Variants in MORC1 observed in about 807,000 individuals in gnomAD.
MORC1 encodes the protein MORC family CW-type zinc finger protein 1.
MORC1 carries 59 observed loss-of-function variants against 134.9 expected under a neutral mutation model. The ratio of observed to expected loss-of-function variants is 0.44; its 90% CI spans 0.35 to 0.54. The LOEUF is 0.54. Ranked by LOEUF, MORC1 falls within the 20% of genes least tolerant of loss-of-function variation. MORC1 has a pLI of 0.00. For synonymous variants in MORC1, 395 were observed against 391.7 expected, an observed-to-expected ratio of 1.01 and a Z score of -0.10; for missense variants, 947 against 1,134.5, an observed-to-expected ratio of 0.83 and a Z score of 2.37.
rs754631887 is a variant in MORC1, at chr3:109,094,970, G to A, written c.522C>T (p.Tyr174=). ...FAMELSIIYK[Y]SPFKTEAELM... ...ATTCTGCTTCAGTTTTAAATGGGGA[G>A]TATTTATAAATTATAGATAATTCCA... The change falls in exon 7 of 28, where the codon TAC becomes TAT. Residue 174 remains tyrosine (Y), a synonymous_variant. Transcript: ENST00000232603. 7.5e-6 allele frequency: 12 copies of A among 1,594,326 alleles called. No homozygotes were observed. The highest frequency in any genetic ancestry group is 9.4e-6 in the Non-Finnish European group (11 of 1,174,732).
chr3:109,000,419 T>C, intron 21 of MORC1, 138 bp downstream of exon 21: 2 of 624,872 alleles, frequency 3.2e-6, no homozygotes, highest in Admixed American at 3.5e-5. Context: ...AACTTAAACT[T>C]TTCTGAGTCT....
At chr3:109,073,496 C>G (rs2107716349) in intron 8 of MORC1, among the ~76,000 whole-genome samples, 1 of 152,262 alleles carries the variant, frequency 6.6e-6, no homozygotes, top group African/African-American at 2.4e-5. Context: ...GGAGAACAGT[C>G]TCTCACAGGT....
chr3:109,052,410 T>C (rs137973260), intron 14 of MORC1, among the ~76,000 whole-genome samples: 20 of 152,278 alleles, frequency 1.3e-4, no homozygotes, highest in African/African-American at 4.8e-4. Context: ...TTTAATTCAG[T>C]GGGTCTCAGG....
chr3:109,016,628 C>T (rs899137747), intron 17 of MORC1, among the ~76,000 whole-genome samples: 1 of 151,998 alleles, frequency 6.6e-6, no homozygotes. Context: ...TTTGGGAGGC[C>T]GAGGTGCGCA....
chr3:109,055,972 AATGGC>A (rs1344205587), intron 13 of MORC1, among the ~76,000 whole-genome samples: 1 of 152,234 alleles, frequency 6.6e-6, no homozygotes, highest in African/African-American at 2.4e-5. Flanking sequence ...CTCATGGCTG[AATGGC>A]ATGTTAGGGC....
chr3:108,973,658 G>A (rs755008893), intron 24 of MORC1, among the ~76,000 whole-genome samples: 7 of 146,824 alleles, frequency 4.8e-5, no homozygotes, highest in Non-Finnish European at 7.5e-5. Flanking sequence ...GCAGTGGTGC[G>A]TGATCTCAGC....
chr3:109,100,042 G>A (rs950087425), intron 5 of MORC1, among the ~76,000 whole-genome samples: 1 of 152,076 alleles, frequency 6.6e-6, no homozygotes, highest in Admixed American at 6.6e-5. Flanking sequence ...TCAGGAGTTC[G>A]AGACTAGCCT....
chr3:108,959,113 G>A lies in MORC1; in HGVS notation c.2807C>T (p.Pro936Leu). Reference protein sequence around the residue: ...LLLQKLQLGGPEGDLEQTDTY... With the variant: ...LLLQKLQLGGLEGDLEQTDTY... ...GTCAGTCTGCTCCAGGTCACCTTCT[G>A]GACCACCCTGGAAAAGAGAAGCAAC... Residue 936 changes from proline (P) to leucine (L), a missense_variant, in exon 28 of 28, where the codon CCA (proline) becomes CTA (leucine). Around this residue, in one of 3 missense-constraint regions of MORC1, gnomAD observed 722 missense variants for 817.0 expected, o/e 0.88. Transcript: ENST00000232603. 1 of 1,575,504 alleles carries A rather than the reference G, an allele frequency of 6.3e-7. No individual in the cohort carries two copies.
Position 109,084,184 on chromosome 3 carries a change from G to A in MORC1, c.689+9252C>T, listed in dbSNP as rs991843310. Among the ~76,000 whole-genome samples the A allele has an allele frequency of 9.9e-5, 15 of 152,054 alleles. No individual in the cohort carries two copies. In the East Asian group the frequency reaches 2.7e-3, roughly 27 times the overall value. On this transcript the variant is annotated intron_variant, in intron 8 of 27. Transcript: ENST00000232603. ...CAATTAGCCAAGAGAAAGAAATATG[G>A]GGCATTCAAACCAGAAAGAAAGAAG...
chr3:109,007,003 T>C, intron 18 of MORC1, 26 bp downstream of exon 18: 1 of 563,204 alleles, frequency 1.8e-6, no homozygotes, highest in East Asian at 2.7e-5. Context: ...TGACACAAAT[T>C]GCTTAATCCT....
chr3:109,071,734 A>C (rs1176703201), intron 8 of MORC1, among the ~76,000 whole-genome samples: 1 of 152,194 alleles, frequency 6.6e-6, no homozygotes, highest in African/African-American at 2.4e-5. Flanking sequence ...CTTAGCATCC[A>C]AGGTTTTTAT....
chr3:109,077,829 CA>C (rs147340146), intron 8 of MORC1, among the ~76,000 whole-genome samples: 10 of 146,742 alleles, frequency 6.8e-5, no homozygotes, highest in African/African-American at 7.5e-5. Context: ...TTAGAATAAG[CA>C]AAAAAAAAAT....
chr3:108,988,143 T>A (rs147932911), intron 21 of MORC1, among the ~76,000 whole-genome samples: 1 of 151,672 alleles, frequency 6.6e-6, no homozygotes, highest in Non-Finnish European at 1.5e-5. Flanking sequence ...AATAAAGGAG[T>A]ATTTTTACGT....
intron 17 of MORC1, among the ~76,000 whole-genome samples, chr3:109,017,133 C>G (rs1948835053): frequency 6.7e-6 from 1 of 149,544 alleles, no homozygotes; most frequent in African/African-American, 2.5e-5. Flanking sequence ...TCCCACCTGG[C>G]TTTCCCTCTG....
chr3:109,035,050 G>A (rs6804948), intron 15 of MORC1, among the ~76,000 whole-genome samples: 39,228 of 152,016 alleles, frequency 0.26, 5,272 homozygotes, highest in Middle Eastern at 0.43. Context: ...TGCCTGGCCT[G>A]AAACTAGTTT....
intron 14 of MORC1, among the ~76,000 whole-genome samples, chr3:109,037,725 G>C (rs1293340560): frequency 2.6e-5 from 4 of 152,150 alleles, no homozygotes; most frequent in African/African-American, 9.7e-5. Context: ...AGTTTGCTCA[G>C]AATGATAGTT....
chr3:109,096,844 G>C (rs1950839541), intron 6 of MORC1, among the ~76,000 whole-genome samples: 1 of 151,488 alleles, frequency 6.6e-6, no homozygotes, highest in Non-Finnish European at 1.5e-5. Flanking sequence ...GTAACAAAAG[G>C]GTTCAAAAAT....
Position 109,005,162 on chromosome 3 carries a change from T to C in MORC1, c.1921A>G (p.Met641Val). The stretch of plus-strand genomic sequence containing the variant: ...ATTTTCTCCTCCATAGACTTTTTCA[T>C]AATTTTTGTTTCTGAAATATACTCT... ...DVEYISETKI[M>V]KKSMEEKMNS... The change falls in exon 19 of 28, where the codon ATG becomes GTG. Residue 641 changes from methionine (M) to valine (V), a missense_variant. By Grantham distance (21) the Met-to-Val change is conservative. Coordinates refer to ENST00000232603, the MANE Select transcript of MORC1 (RefSeq NM_014429.4). 6.2e-7 allele frequency: 1 copy of C among 1,614,022 alleles called. No homozygotes were observed. Among genetic ancestry groups the C allele is most frequent in the Non-Finnish European group, 8.5e-7 (1 of 1,179,966 alleles).
At chr3:109,006,695 A>G (rs1226113827) in intron 18 of MORC1, among the ~76,000 whole-genome samples, 4 of 152,202 alleles carry the variant, frequency 2.6e-5, no homozygotes, top group African/African-American at 9.6e-5. Context: ...GGAACTATAT[A>G]TACAACATAT....
Sources: gnomAD v4.1 joint callset for allele counts (sites outside exome capture counted in the v4.1 genomes callset) on GRCh38, gnomAD v4.1.1 for gene constraint, gnomAD v4.1.1 regional missense constraint, MANE v1.5 for transcripts, NCBI Gene and HGNC (gene_info 2026-07-23, HGNC 2026-07-21) for gene names.